Variants in FRMD3 observed in about 807,000 individuals in gnomAD.
FRMD3 encodes the protein FERM domain containing 3.
FRMD3 carries 33 observed loss-of-function variants against 70.2 expected under a neutral mutation model. That is an observed-to-expected ratio of 0.47 (90% CI 0.36 to 0.63). The LOEUF is 0.63. Among genes scored for constraint, FRMD3 ranks in the 20% least tolerant of loss-of-function variants. The pLI is 0.00. For missense variants in FRMD3, 632 were observed against 711.4 expected (o/e 0.89, Z 1.27); for synonymous variants, 279 against 255.9 (o/e 1.09, Z -0.86).
intron 10 of FRMD3, among the ~76,000 whole-genome samples, chr9:83,308,903 A>G (rs944247802): frequency 6.6e-6 from 1 of 152,168 alleles, no homozygotes; most frequent in Non-Finnish European, 1.5e-5. Flanking sequence ...ATCAGAGAGT[A>G]TTAATTCTGG....
the FRMD3 span, among the ~76,000 whole-genome samples, chr9:83,548,955 ATTTCT>A: frequency 2.6e-5 from 4 of 151,734 alleles, no homozygotes; most frequent in East Asian, 1.9e-4. Context: ...TCTGTTACAG[ATTTCT>A]TTTTTTTATT....
chr9:83,293,788 A>G (rs1473305159), intron 12 of FRMD3, among the ~76,000 whole-genome samples: 1 of 152,208 alleles, frequency 6.6e-6, no homozygotes, highest in Non-Finnish European at 1.5e-5. Context: ...CGTGCCTTGT[A>G]TTAGACCAGG....
intron 12 of FRMD3, 36 bp from the exon 13 acceptor site, chr9:83,290,763 C>T (rs761495718): frequency 6.4e-7 from 1 of 1,567,416 alleles, no homozygotes; most frequent in African/African-American, 1.4e-5. Context: ...AGTTGGTTTC[C>T]ATCACAAATG....
chr9:83,435,871 G>C (rs1212088988), intron 1 of FRMD3, among the ~76,000 whole-genome samples: 3 of 152,136 alleles, frequency 2.0e-5, no homozygotes, highest in Non-Finnish European at 4.4e-5. Context: ...CTCTGCCCTA[G>C]TGACTTTAAC....
intron 1 of FRMD3, among the ~76,000 whole-genome samples, chr9:83,476,870 T>C (rs769594987): frequency 1.3e-5 from 2 of 152,184 alleles, no homozygotes; most frequent in African/African-American, 4.8e-5. Context: ...CTTACTCTAA[T>C]TGTATTTAGG....
intron 2 of FRMD3, among the ~76,000 whole-genome samples, chr9:83,376,015 C>A (rs1825131396): frequency 6.6e-6 from 1 of 151,896 alleles, no homozygotes; most frequent in African/African-American, 2.4e-5. Flanking sequence ...CAAAAATTAG[C>A]CTGGCGTGGT....
rs111663639 is a variant in FRMD3, at chr9:83,442,657, T to C, written c.148-52949A>G. Among the ~76,000 whole-genome samples the C allele has an allele frequency of 4.2e-3, 635 of 151,922 alleles. 12 individuals are homozygous for C. The highest frequency in any genetic ancestry group is 0.014 in the African/African-American group (573 of 41,436). On this transcript the variant is annotated intron_variant, in intron 1 of 13. Coordinates refer to ENST00000304195, the MANE Select transcript of FRMD3 (RefSeq NM_174938.6). Reference sequence around the variant, plus strand: ...GAATCCTCAGTGGAGGGGGGGTACATTCCCCCTCCACGACCACCCCACCCC... The same window carrying C: ...GAATCCTCAGTGGAGGGGGGGTACACTCCCCCTCCACGACCACCCCACCCC...
At chr9:83,336,850 C>T (rs1233613118) in intron 5 of FRMD3, among the ~76,000 whole-genome samples, 1 of 151,524 alleles carries the variant, frequency 6.6e-6, no homozygotes, top group African/African-American at 2.4e-5. Context: ...AAGACTGCAC[C>T]ACTGATATCA....
the FRMD3 span, among the ~76,000 whole-genome samples, chr9:83,570,129 C>A: frequency 6.6e-6 from 1 of 152,156 alleles, no homozygotes; most frequent in African/African-American, 2.4e-5. Flanking sequence ...CAACATTTGA[C>A]AAACATTTAC....
intron 1 of FRMD3, among the ~76,000 whole-genome samples, chr9:83,457,963 G>A (rs1481070227): frequency 1.0e-5 from 1 of 99,372 alleles, no homozygotes; most frequent in Non-Finnish European, 2.0e-5. Context: ...AATAAAATAA[G>A]TAACCATGAA....
At chr9:83,480,229 A>G (rs763286087) in intron 1 of FRMD3, among the ~76,000 whole-genome samples, 1 of 152,294 alleles carries the variant, frequency 6.6e-6, no homozygotes, top group East Asian at 1.9e-4. Context: ...ACTGTAGTCT[A>G]TTCATATAAC....
At chr9:83,564,771 G>A in the FRMD3 span, among the ~76,000 whole-genome samples, 2 of 152,158 alleles carry the variant, frequency 1.3e-5, no homozygotes, top group Non-Finnish European at 1.5e-5. Context: ...GTTTCTTAAA[G>A]AACCTCTGCT....
upstream of FRMD3, among the ~76,000 whole-genome samples, chr9:83,540,386 T>C (rs1261069791): frequency 1.3e-5 from 2 of 151,976 alleles, no homozygotes; most frequent in Non-Finnish European, 2.9e-5. Context: ...GGAAGCAAAA[T>C]AAGACCAACA....
intron 1 of FRMD3, among the ~76,000 whole-genome samples, chr9:83,454,156 A>G (rs756628506): frequency 5.3e-5 from 8 of 152,250 alleles, no homozygotes; most frequent in Admixed American, 3.9e-4. Flanking sequence ...ATTTATTGTC[A>G]TTACATATTA....
intron 13 of FRMD3, among the ~76,000 whole-genome samples, chr9:83,251,186 A>G (rs1212325378): frequency 3.3e-5 from 5 of 152,220 alleles, no homozygotes; most frequent in Non-Finnish European, 5.9e-5. Flanking sequence ...GCTGTTTCAT[A>G]GCCTTCACTG....
At chr9:83,459,756 G>T (rs1354922022) in intron 1 of FRMD3, among the ~76,000 whole-genome samples, 1 of 152,246 alleles carries the variant, frequency 6.6e-6, no homozygotes, top group East Asian at 1.9e-4. Flanking sequence ...GTCGGCTCAG[G>T]CTGCCATAAC....
At chr9:83,563,701 T>C in the FRMD3 span, among the ~76,000 whole-genome samples, 6 of 152,182 alleles carry the variant, frequency 3.9e-5, no homozygotes, top group African/African-American at 1.4e-4. Flanking sequence ...ACGTAGGACA[T>C]GCTTTTGAAA....
At chr9:83,329,272 C>T (rs1240785762) in intron 6 of FRMD3, among the ~76,000 whole-genome samples, 1 of 152,148 alleles carries the variant, frequency 6.6e-6, no homozygotes, top group African/African-American at 2.4e-5. Flanking sequence ...ATTTGATAAT[C>T]TACCAGGGAG....
intron 1 of FRMD3, among the ~76,000 whole-genome samples, chr9:83,514,284 C>T (rs868476356): frequency 6.6e-5 from 10 of 152,118 alleles, no homozygotes; most frequent in African/African-American, 1.9e-4. Flanking sequence ...GGGAGAGGGA[C>T]GTCCACCATT....
Sources: allele counts gnomAD v4.1 joint callset (sites outside exome capture counted in the v4.1 genomes callset), GRCh38; gene constraint gnomAD v4.1.1; transcripts MANE v1.5; gene names NCBI Gene and HGNC (gene_info 2026-07-23, HGNC 2026-07-21).